EXT2: variants seen among roughly 807,000 people sequenced by gnomAD.
EXT2 encodes the protein exostosin glycosyltransferase 2, also known as exostosin-2.
A neutral mutation model predicts 81.6 loss-of-function variants in EXT2; 53 were observed. The observed-to-expected ratio is 0.65, with a 90% CI of 0.52 to 0.82. The LOEUF (loss-of-function observed/expected upper bound fraction) is 0.82. EXT2 is among the 40% of genes least tolerant of loss of function. EXT2 has a pLI of 0.00. For synonymous variants in EXT2, 320 were observed against 340.0 expected (o/e 0.94, Z 0.65); for missense variants, 774 against 910.2 (o/e 0.85, Z 1.93).
chr11:44,119,175 TACACACACAC>T lies in EXT2; in HGVS notation c.743+4884_743+4893del, dbSNP rs151028121. Among the ~76,000 whole-genome samples the T allele has an allele frequency of 5.9e-4, 62 of 105,742 alleles. 1 individual carries two copies. In the East Asian group the frequency reaches 9.5e-3, roughly 16 times the overall value. The allele number at this position is 105,742 out of a possible 152,430, so 69.4% of individuals were successfully genotyped here. On this transcript the variant is annotated intron_variant, in intron 4 of 13. Coordinates refer to ENST00000533608, the MANE Select transcript of EXT2 (RefSeq NM_207122.2). Reference sequence around the variant, plus strand: ...ATATATATATATATATATATACACATACACACACACACACACACATTTTTGACTGTCATGA... The same window carrying T: ...ATATATATATATATATATATACACATACACACACATTTTTGACTGTCATGA...
intron 13 of EXT2, among the ~76,000 whole-genome samples, chr11:44,240,952 G>A (rs976935621): frequency 3.9e-5 from 6 of 152,216 alleles, no homozygotes; most frequent in Non-Finnish European, 8.8e-5. Context: ...TTATAAATAT[G>A]AGCCACCATG....
At chr11:44,180,715 A>G (rs896366331) in intron 8 of EXT2, among the ~76,000 whole-genome samples, 4 of 152,096 alleles carry the variant, frequency 2.6e-5, no homozygotes, top group Admixed American at 2.6e-4. Flanking sequence ...TTTTATTTCC[A>G]TATTGTAACA....
intron 8 of EXT2, among the ~76,000 whole-genome samples, chr11:44,177,401 C>G (rs1955173360): frequency 6.6e-6 from 1 of 152,188 alleles, no homozygotes; most frequent in South Asian, 2.1e-4. Context: ...TGCCTCTTGG[C>G]AGACCTTCAT....
chr11:44,251,276 A>AT lies in EXT2; in HGVS notation c.*6989_*6990insT, dbSNP rs1270096412. ...ATAATGATGAATATCCATTAATAAG[A>AT]GATTGATGCTCTTTCAACTCTCATG... On this transcript the variant is annotated 3_prime_UTR_variant, in exon 14 of 14. Coordinates refer to ENST00000533608, the MANE Select transcript of EXT2 (RefSeq NM_207122.2). Among the ~76,000 whole-genome samples, 1 of 152,038 alleles carries AT rather than the reference A, an allele frequency of 6.6e-6. No homozygotes were observed. The highest frequency in any genetic ancestry group is 1.9e-4 in the East Asian group (1 of 5,192).
Position 44,206,861 on chromosome 11 carries a change from C to T in EXT2, c.1564C>T (p.Arg522Cys), listed in dbSNP as rs145507609. ...GACTGCTGAAAACAAGTTAAGTAAC[C>T]GTTTCTTCCCTTATGATGAAATCGA... is the stretch of plus-strand genomic sequence containing the variant. ...VRTAENKLSNRFFPYDEIETE... is the reference protein window; with the variant it reads ...VRTAENKLSNCFFPYDEIETE... The change falls in exon 10 of 14, where the codon CGT becomes TGT. Residue 522 changes from arginine (R) to cysteine (C), a missense_variant. Physicochemically the swap from Arg to Cys is radical, Grantham distance 180. Coordinates refer to ENST00000533608, the MANE Select transcript of EXT2 (RefSeq NM_207122.2). 19 of 1,613,930 alleles carry T rather than the reference C, an allele frequency of 1.2e-5. No individual in the cohort carries two copies. The highest frequency in any genetic ancestry group is 1.7e-5 in the Admixed American group (1 of 59,986).
At position 44,103,145 on chromosome 11, in the gene EXT2, G is replaced by A. The variant is rs116047822; in HGVS notation, c.-30-4538G>A. Among the ~76,000 whole-genome samples, 503 of 152,096 alleles carry A rather than the reference G, an allele frequency of 3.3e-3. 7 individuals carry two copies. The highest frequency in any genetic ancestry group is 0.011 in the African/African-American group (466 of 41,488). ...TTTTTCCTTTTACATTTAGTTTTAAGATATACCTTGAATAGATTTTTCTCC... is the reference window on the plus strand; with the variant it reads ...TTTTTCCTTTTACATTTAGTTTTAAAATATACCTTGAATAGATTTTTCTCC... On this transcript the variant is annotated intron_variant, in intron 1 of 13. Coordinates refer to ENST00000533608, the MANE Select transcript of EXT2 (RefSeq NM_207122.2).
chr11:44,097,457 A>C (rs1031577093), intron 1 of EXT2, among the ~76,000 whole-genome samples: 3 of 152,122 alleles, frequency 2.0e-5, no homozygotes, highest in African/African-American at 7.2e-5. Flanking sequence ...CCAGTGTGGC[A>C]GTGGCCCCAG....
At chr11:44,150,656 G>A (rs569458866) in intron 7 of EXT2, among the ~76,000 whole-genome samples, 2 of 152,324 alleles carry the variant, frequency 1.3e-5, no homozygotes, top group African/African-American at 4.8e-5. Context: ...AGCACGTGTA[G>A]TCTTGCCTTA....
chr11:44,123,014 G>A (rs1341204932), intron 4 of EXT2, among the ~76,000 whole-genome samples: 1 of 152,120 alleles, frequency 6.6e-6, no homozygotes, highest in Non-Finnish European at 1.5e-5. Context: ...TTTGCTCTTA[G>A]TTAGGCCAAA....
chr11:44,247,946 T>G lies in EXT2; in HGVS notation c.*3659T>G, dbSNP rs74497673. ...AACCTTTGATAGTTTTCAGCCAAGA[T>G]AGTAATCAGAAAGTAGATGAAGCAG... On this transcript the variant is annotated 3_prime_UTR_variant, in exon 14 of 14. Coordinates refer to ENST00000533608, the MANE Select transcript of EXT2 (RefSeq NM_207122.2). Among the ~76,000 whole-genome samples the G allele has an allele frequency of 1.2e-4, 18 of 152,308 alleles. No individual in the cohort carries two copies. In the East Asian group the frequency reaches 3.5e-3, roughly 29 times the overall value.
chr11:44,181,479 G>A (rs1955235320), intron 8 of EXT2, among the ~76,000 whole-genome samples: 1 of 152,000 alleles, frequency 6.6e-6, no homozygotes, highest in Non-Finnish European at 1.5e-5. Flanking sequence ...TTTTCTTTAT[G>A]GGACGTCTGT....
At chr11:44,206,645 A>C in intron 9 of EXT2, 148 bp from the exon 10 acceptor site, 1 of 751,592 alleles carries the variant, frequency 1.3e-6, no homozygotes, top group Non-Finnish European at 2.2e-6. Flanking sequence ...ATCTGTGAGA[A>C]TCTCCCCTGA....
chr11:44,144,330 G>T (rs1352096340), intron 7 of EXT2: 3 of 1,597,958 alleles, frequency 1.9e-6, no homozygotes, highest in Non-Finnish European at 8.5e-7. Context: ...GGGAACAGTG[G>T]GATTCACAGG....
At chr11:44,169,985 G>A (rs1289040603) in intron 7 of EXT2, among the ~76,000 whole-genome samples, 3 of 151,910 alleles carry the variant, frequency 2.0e-5, no homozygotes, top group Non-Finnish European at 4.4e-5. Context: ...AGGCACACAT[G>A]CAGGCAGACA....
At chr11:44,101,682 T>A (rs1953984407) in intron 1 of EXT2, among the ~76,000 whole-genome samples, 1 of 152,212 alleles carries the variant, frequency 6.6e-6, no homozygotes, top group South Asian at 2.1e-4. Context: ...CAGTGTTGGC[T>A]GTCTTCTGTA....
In EXT2 at chr11:44,250,840, G is replaced by A. The variant is rs765871167; in HGVS notation, c.*6553G>A. On this transcript the variant is annotated 3_prime_UTR_variant, in exon 14 of 14. Coordinates refer to ENST00000533608, the MANE Select transcript of EXT2 (RefSeq NM_207122.2). ...CAACCCTGTATCTGCTGATTTTCAGGTTTCAACTTTCTGCCAGCGTCACTG... is the reference window on the plus strand; with the variant it reads ...CAACCCTGTATCTGCTGATTTTCAGATTTCAACTTTCTGCCAGCGTCACTG... 9.9e-5 allele frequency among the ~76,000 whole-genome samples: 15 copies of A among 152,172 alleles called. No individual in the cohort carries two copies. The highest frequency in any genetic ancestry group is 2.6e-4 in the Admixed American group (4 of 15,284).
chr11:44,179,110 C>G (rs1345339008), intron 8 of EXT2, among the ~76,000 whole-genome samples: 1 of 151,962 alleles, frequency 6.6e-6, no homozygotes, highest in African/African-American at 2.4e-5. Flanking sequence ...TTGGCCAATT[C>G]TGATGGTCAG....
At chr11:44,126,185 A>G (rs1954400721) in intron 5 of EXT2, among the ~76,000 whole-genome samples, 1 of 152,192 alleles carries the variant, frequency 6.6e-6, no homozygotes, top group African/African-American at 2.4e-5. Flanking sequence ...TATTCCCCAC[A>G]TTGAGGGGGT....
intron 3 of EXT2, among the ~76,000 whole-genome samples, chr11:44,111,244 C>G (rs1333840372): frequency 6.6e-6 from 1 of 151,992 alleles, no homozygotes; most frequent in Non-Finnish European, 1.5e-5. Flanking sequence ...TTTTATTTCT[C>G]TTTCAATTAA....
Sources: allele counts gnomAD v4.1 joint callset (sites outside exome capture counted in the v4.1 genomes callset), GRCh38; gene constraint gnomAD v4.1.1; transcripts MANE v1.5; gene names NCBI Gene and HGNC (gene_info 2026-07-23, HGNC 2026-07-21).